LAMB4: variants seen among roughly 807,000 people sequenced by gnomAD.
The protein encoded by LAMB4 is laminin subunit beta-4.
LAMB4 carries 196 observed loss-of-function variants against 199.2 expected under a neutral mutation model. The observed-to-expected ratio is 0.98, with a 90% confidence interval of 0.88 to 1.11. LAMB4 has a LOEUF of 1.11. LAMB4 is among the 50% of genes least tolerant of loss of function. The probability of loss-of-function intolerance (pLI) is 0.00; values close to 1 mark genes in which losing one functional copy is unlikely to be tolerated. For missense variants in LAMB4, 2,080 were observed against 2,171.2 expected, an observed-to-expected ratio of 0.96 and a Z score of 0.83; for synonymous variants, 744 against 770.6, an observed-to-expected ratio of 0.97 and a Z score of 0.57.
chr7:108,084,034 C>T (rs1321686336), intron 14 of LAMB4, among the ~76,000 whole-genome samples: 1 of 152,226 alleles, frequency 6.6e-6, no homozygotes, highest in Admixed American at 6.5e-5. Flanking sequence ...AGGTGATCCA[C>T]TGGGGCACAT....
intron 14 of LAMB4, 53 bp from the exon 15 acceptor site, chr7:108,079,839 A>C: frequency 5.7e-6 from 8 of 1,411,678 alleles, no homozygotes; most frequent in Non-Finnish European, 7.6e-6. Context: ...GGCCTGAAAG[A>C]GTTCAAGAAA....
intron 2 of LAMB4, among the ~76,000 whole-genome samples, chr7:108,122,263 A>AACATGT (rs2038627601): frequency 1.3e-5 from 2 of 152,180 alleles, no homozygotes; most frequent in Admixed American, 1.3e-4. Flanking sequence ...TTTCAAAGAG[A>AACATGT]ACATGTAAGG....
At chr7:108,069,647 C>T in intron 18 of LAMB4, 61 bp downstream of exon 18, 4 of 1,482,460 alleles carry the variant, frequency 2.7e-6, no homozygotes, top group Non-Finnish European at 3.7e-6. Context: ...AATTGATTTG[C>T]TCCAAAAAGC....
At chr7:108,065,466 C>T (rs752954480) in intron 21 of LAMB4, among the ~76,000 whole-genome samples, 15 of 152,040 alleles carry the variant, frequency 9.9e-5, no homozygotes, top group Admixed American at 5.9e-4. Flanking sequence ...TCTTACTTAA[C>T]GTGATAATTT....
At chr7:108,018,369 GC>G in the LAMB4 span, among the ~76,000 whole-genome samples, 4 of 152,142 alleles carry the variant, frequency 2.6e-5, no homozygotes, top group Admixed American at 6.5e-5. Context: ...TGCCATCAGG[GC>G]ATCCATGCCC....
chr7:108,094,480 A>G (rs2037523599), intron 12 of LAMB4, among the ~76,000 whole-genome samples: 1 of 152,010 alleles, frequency 6.6e-6, no homozygotes, highest in Admixed American at 6.5e-5. Flanking sequence ...TATCAGCACA[A>G]AACCATGTCC....
chr7:108,125,199 A>G (rs1463445166), intron 1 of LAMB4, among the ~76,000 whole-genome samples: 2 of 152,158 alleles, frequency 1.3e-5, no homozygotes, highest in Non-Finnish European at 2.9e-5. Flanking sequence ...AGGAAGGTCC[A>G]TTCTGTATAG....
chr7:108,072,302 A>C (rs1292958765), intron 17 of LAMB4, among the ~76,000 whole-genome samples: 1 of 152,078 alleles, frequency 6.6e-6, no homozygotes, highest in East Asian at 1.9e-4. Flanking sequence ...CCATCTTCCT[A>C]CTTCATTGTG....
intron 31 of LAMB4, 36 bp from the exon 32 acceptor site, chr7:108,031,015 C>A (rs752381096): frequency 6.3e-7 from 1 of 1,580,200 alleles, no homozygotes; most frequent in Admixed American, 1.7e-5. Context: ...GGGAAAATCT[C>A]TTTATGAAAC....
chr7:108,070,118 A>G (rs1012640210), intron 17 of LAMB4, among the ~76,000 whole-genome samples: 1 of 152,260 alleles, frequency 6.6e-6, no homozygotes, highest in East Asian at 1.9e-4. Flanking sequence ...TCTTTCTACT[A>G]TCATATTTTT....
At chr7:108,112,018 G>A in intron 3 of LAMB4, 72 bp from the exon 4 acceptor site, 1 of 1,269,976 alleles carries the variant, frequency 7.9e-7, no homozygotes, top group Non-Finnish European at 1.1e-6. Context: ...TTAAAGGCAA[G>A]CTGTACATAC....
At chr7:108,079,023 T>C (rs755957162) in intron 15 of LAMB4, among the ~76,000 whole-genome samples, 2 of 152,220 alleles carry the variant, frequency 1.3e-5, no homozygotes, top group Admixed American at 6.5e-5. Flanking sequence ...TCAAAGGAGA[T>C]GTTCAGTGGG....
chr7:108,070,090 A>AG (rs1332982232), intron 17 of LAMB4, among the ~76,000 whole-genome samples: 1 of 152,178 alleles, frequency 6.6e-6, no homozygotes, highest in Non-Finnish European at 1.5e-5. Flanking sequence ...CTTGTGGCTA[A>AG]GAAAAAAAAA....
chr7:108,108,844 A>G (rs1054448609), intron 5 of LAMB4, among the ~76,000 whole-genome samples: 1 of 152,024 alleles, frequency 6.6e-6, no homozygotes, highest in Admixed American at 6.6e-5. Flanking sequence ...CAACCTTTCC[A>G]TATTTACCTA....
At chr7:108,066,282 G>T (rs2036337785) in intron 20 of LAMB4, 87 bp downstream of exon 20, 5 of 966,866 alleles carry the variant, frequency 5.2e-6, no homozygotes, top group Non-Finnish European at 7.8e-6. Context: ...CTTAAATATT[G>T]TTGAGTCTCT....
intron 4 of LAMB4, among the ~76,000 whole-genome samples, chr7:108,110,653 A>G (rs2038190861): frequency 6.6e-6 from 1 of 152,134 alleles, no homozygotes; most frequent in African/African-American, 2.4e-5. Flanking sequence ...GCTCTATGTC[A>G]TTGGCTTGGA....
At chr7:108,025,490 G>A (rs1032472330) in intron 33 of LAMB4, among the ~76,000 whole-genome samples, 10 of 148,976 alleles carry the variant, frequency 6.7e-5, no homozygotes, top group South Asian at 2.1e-4. Flanking sequence ...GTGCAATGGC[G>A]TGATCTCAGC....
chr7:108,126,314 C>T (rs2038776486), intron 1 of LAMB4, among the ~76,000 whole-genome samples: 1 of 152,182 alleles, frequency 6.6e-6, no homozygotes, highest in African/African-American at 2.4e-5. Flanking sequence ...TGCAACCGAT[C>T]TCCAGAACAC....
At chr7:108,129,759 G>A (rs1275343683) in intron 1 of LAMB4, among the ~76,000 whole-genome samples, 3 of 152,160 alleles carry the variant, frequency 2.0e-5, no homozygotes, top group Non-Finnish European at 4.4e-5. Context: ...GACCTCCTGA[G>A]CTCAAGCAAT....
Sources: gnomAD v4.1 joint callset for allele counts (sites outside exome capture counted in the v4.1 genomes callset) on GRCh38, gnomAD v4.1.1 for gene constraint, MANE v1.5 for transcripts, NCBI Gene and HGNC (gene_info 2026-07-23, HGNC 2026-07-21) for gene names.